Variants in ASTN2 observed in about 807,000 individuals in gnomAD.
ASTN2 encodes the protein astrotactin 2, also known as astrotactin-2.
A neutral mutation model predicts 139.8 loss-of-function variants in ASTN2; 54 were observed. The ratio of observed to expected loss-of-function variants is 0.39; its 90% CI spans 0.31 to 0.48. The LOEUF (loss-of-function observed/expected upper bound fraction) is 0.48, where lower values mean the gene tolerates loss of function less well. ASTN2 is among the 20% of genes least tolerant of loss of function. The probability of loss-of-function intolerance (pLI) is 0.95; values close to 1 mark genes in which losing one functional copy is unlikely to be tolerated. For synonymous variants in ASTN2, 756 were observed against 719.5 expected, an observed-to-expected ratio of 1.05 and a Z score of -0.81; for missense variants, 1,565 against 1,725.1, an observed-to-expected ratio of 0.91 and a Z score of 1.64.
intron 19 of ASTN2, among the ~76,000 whole-genome samples, chr9:116,617,130 C>T (rs1311316017): frequency 6.6e-6 from 1 of 152,194 alleles, no homozygotes; most frequent in African/African-American, 2.4e-5. Flanking sequence ...TAGCAGCCAA[C>T]TTGACTTCTC....
chr9:117,020,778 C>G (rs1318591157), intron 6 of ASTN2, among the ~76,000 whole-genome samples: 3 of 152,140 alleles, frequency 2.0e-5, no homozygotes, highest in Non-Finnish European at 4.4e-5. Flanking sequence ...TCTCTAAGCA[C>G]AGCGTTTGGC....
At chr9:116,706,936 A>G (rs1828003690) in intron 16 of ASTN2, among the ~76,000 whole-genome samples, 1 of 151,978 alleles carries the variant, frequency 6.6e-6, no homozygotes, top group African/African-American at 2.4e-5. Context: ...TTTAAGAACA[A>G]GATTAAAGTG....
intron 10 of ASTN2, among the ~76,000 whole-genome samples, chr9:116,971,384 A>T (rs1836194907): frequency 6.6e-6 from 1 of 152,208 alleles, no homozygotes; most frequent in Admixed American, 6.5e-5. Context: ...CAGTTTTTGA[A>T]AAATTGGCAA....
At chr9:116,679,256 A>G (rs1374228934) in intron 16 of ASTN2, among the ~76,000 whole-genome samples, 1 of 152,120 alleles carries the variant, frequency 6.6e-6, no homozygotes, top group Non-Finnish European at 1.5e-5. Context: ...TATTTGACAA[A>G]CTTTCCAAAA....
At chr9:116,673,458 T>C (rs1436318205) in intron 16 of ASTN2, among the ~76,000 whole-genome samples, 2 of 152,178 alleles carry the variant, frequency 1.3e-5, no homozygotes, top group African/African-American at 4.8e-5. Context: ...AATTGTGTCC[T>C]CCCCCAAAAT....
At chr9:117,155,157 C>A (rs1226716535) in intron 3 of ASTN2, among the ~76,000 whole-genome samples, 2 of 151,930 alleles carry the variant, frequency 1.3e-5, no homozygotes, top group Non-Finnish European at 2.9e-5. Flanking sequence ...TTGTTTCTAT[C>A]CCATGGTAGA....
chr9:117,237,862 T>A (rs563317143), intron 2 of ASTN2, among the ~76,000 whole-genome samples: 31 of 152,252 alleles, frequency 2.0e-4, no homozygotes, highest in African/African-American at 7.2e-4. Flanking sequence ...CCAGGCCCCA[T>A]CTGGAAAGGG....
intron 19 of ASTN2, among the ~76,000 whole-genome samples, chr9:116,491,729 G>A (rs184172177): frequency 7.2e-5 from 11 of 152,274 alleles, no homozygotes; most frequent in Admixed American, 2.6e-4. Context: ...GAAAGGCATG[G>A]GGGCTTCTCT....
At chr9:117,351,140 A>G (rs1181834155) in intron 1 of ASTN2, among the ~76,000 whole-genome samples, 2 of 152,174 alleles carry the variant, frequency 1.3e-5, no homozygotes, top group Admixed American at 6.5e-5. Flanking sequence ...CTGAGAAATG[A>G]AGTAACAAAA....
chr9:117,269,515 C>T (rs1347435111), intron 2 of ASTN2, among the ~76,000 whole-genome samples: 1 of 152,016 alleles, frequency 6.6e-6, no homozygotes, highest in Non-Finnish European at 1.5e-5. Context: ...CTCCAGGGCC[C>T]AAAGGAAAAA....
chr9:116,674,805 A>C (rs768803568), intron 16 of ASTN2, among the ~76,000 whole-genome samples: 2 of 152,042 alleles, frequency 1.3e-5, no homozygotes, highest in Admixed American at 6.6e-5. Flanking sequence ...TCAACTCCCT[A>C]TGATTTCATC....
At chr9:117,170,279 G>A (rs10983556) in intron 3 of ASTN2, among the ~76,000 whole-genome samples, 17,083 of 151,980 alleles carry the variant, frequency 0.11, 1,045 homozygotes, top group East Asian at 0.18. Flanking sequence ...CAATGTGCTT[G>A]TATATCATTG....
intron 1 of ASTN2, among the ~76,000 whole-genome samples, chr9:117,375,964 C>A (rs10983639): frequency 6.6e-6 from 1 of 152,118 alleles, no homozygotes; most frequent in Non-Finnish European, 1.5e-5. Flanking sequence ...TCTTCACATC[C>A]CCCTCGATGA....
rs1300690074 is a variant in ASTN2, at chr9:116,706,862, T to C, written c.2806+18909A>G. 4.0e-5 allele frequency among the ~76,000 whole-genome samples: 6 copies of C among 151,006 alleles called. No individual in the cohort carries two copies. In the East Asian group the frequency reaches 1.2e-3, roughly 30 times the overall value. On this transcript the variant is annotated intron_variant, in intron 16 of 22. Coordinates refer to ENST00000313400, the MANE Select transcript of ASTN2 (RefSeq NM_001365068.1). ...ACTGAGCCTTACCAAGCTTCTGTTATAGATGTGCTCAGCTAAGTTGGAATT... is the reference window on the plus strand; with the variant it reads ...ACTGAGCCTTACCAAGCTTCTGTTACAGATGTGCTCAGCTAAGTTGGAATT...
chr9:117,180,175 A>T (rs1441365485), intron 3 of ASTN2, among the ~76,000 whole-genome samples: 10 of 152,124 alleles, frequency 6.6e-5, no homozygotes, highest in African/African-American at 2.4e-4. Flanking sequence ...CACCATGTTA[A>T]ATGATCTTTC....
rs538493134 is a variant in ASTN2 at position 117,231,196 on chromosome 9, A to G, written c.631-16454T>C. Among the ~76,000 whole-genome samples the G allele has an allele frequency of 1.8e-4, 28 of 152,340 alleles. 1 individual carries two copies. The highest frequency in any genetic ancestry group is 3.7e-4 in the Non-Finnish European group (25 of 68,030). On this transcript the variant is annotated intron_variant, in intron 2 of 22. Transcript: ENST00000313400. The stretch of plus-strand genomic sequence containing the variant: ...TAGCAGTAGTATCTACTTTAGGATT[A>G]CATGCATCACTCTGCTGAGTGATGA...
intron 3 of ASTN2, among the ~76,000 whole-genome samples, chr9:117,156,531 A>G (rs1415097145): frequency 6.6e-6 from 1 of 151,990 alleles, no homozygotes; most frequent in Non-Finnish European, 1.5e-5. Flanking sequence ...GACAATGAAG[A>G]GTGTCTCTAG....
chr9:116,488,525 G>A (rs1849410928), intron 19 of ASTN2, among the ~76,000 whole-genome samples: 1 of 152,140 alleles, frequency 6.6e-6, no homozygotes, highest in African/African-American at 2.4e-5. Flanking sequence ...TGTAGAAACA[G>A]CTAAATGTCC....
intron 1 of ASTN2, among the ~76,000 whole-genome samples, chr9:117,371,106 C>A (rs983188070): frequency 1.3e-5 from 2 of 151,966 alleles, no homozygotes; most frequent in Non-Finnish European, 2.9e-5. Context: ...CAAAACAATC[C>A]CAACAGAGGG....
Sources: gnomAD v4.1 joint callset for allele counts (sites outside exome capture counted in the v4.1 genomes callset) on GRCh38, gnomAD v4.1.1 for gene constraint, MANE v1.5 for transcripts, NCBI Gene and HGNC (gene_info 2026-07-23, HGNC 2026-07-21) for gene names.